PPM1N: variants seen among roughly 807,000 people sequenced by gnomAD.
PPM1N encodes protein phosphatase, Mg2+/Mn2+ dependent 1N (putative).
PPM1N carries 35 observed loss-of-function variants against 32.6 expected under a neutral mutation model. The observed-to-expected ratio is 1.07, with a 90% CI of 0.82 to 1.43. PPM1N has a LOEUF of 1.43. PPM1N is among the 40% of genes most tolerant of loss of function. PPM1N has a pLI of 0.00. For missense variants in PPM1N, 648 were observed against 606.6 expected (o/e 1.07, Z -0.72); for synonymous variants, 275 against 270.5 (o/e 1.02, Z -0.16).
rs761556304 is a variant in PPM1N, at chr19:45,499,249, A to G, written c.777A>G (p.Ala259=). The change falls in exon 1 of 5, where the codon GCA becomes GCG. Residue 259 remains alanine (A), a synonymous_variant. Coordinates refer to ENST00000451287, the MANE Select transcript of PPM1N (RefSeq NM_001080401.2). ...TTTCTGCGGAGCCAGAGGTGGCCGCACTGGCACGCCAGGCTGAGGACGAGT... is the reference window on the plus strand; with the variant it reads ...TTTCTGCGGAGCCAGAGGTGGCCGCGCTGGCACGCCAGGCTGAGGACGAGT... The part of the protein sequence containing the change: ...QLVSAEPEVA[A]LARQAEDEFM... 1.2e-5 allele frequency: 19 copies of G among 1,605,638 alleles called. No homozygotes were observed. Among genetic ancestry groups the G allele is most frequent in the Non-Finnish European group, 1.5e-5 (18 of 1,177,398 alleles).
In PPM1N at chr19:45,498,906, T is replaced by TGAGCGCCGAC. The variant is rs1968356473; in HGVS notation, c.442_451dup (p.Leu151ArgfsTer35). The TGAGCGCCGAC allele has an allele frequency of 6.6e-7, 1 of 1,526,394 alleles. No homozygotes were observed. Among genetic ancestry groups the TGAGCGCCGAC allele is most frequent in the South Asian group, 1.2e-5 (1 of 82,198 alleles). 94.6% of individuals were successfully genotyped at this position (1,526,394 alleles called of 1,614,324 possible). ...CGCGAGGCGCTGCGCCGAGCCTTCT[T>TGAGCGCCGAC]GAGCGCCGACGAGCGCCTGCGCTCC... On this transcript the variant is annotated frameshift_variant, in exon 1 of 5. Coordinates refer to ENST00000451287, the MANE Select transcript of PPM1N (RefSeq NM_001080401.2). LOFTEE classifies it high-confidence loss of function.
Position 45,498,513 on chromosome 19 carries a change from C to A in PPM1N, c.41C>A (p.Thr14Asn). ...LARQLQRLLW[T>N]ACKKKEREKE... ...CGCCAGCTGCAGCGTCTCCTCTGGACCGCTTGCAAGAAAAAGGAGAGGGAG... is the reference window on the plus strand; with the variant it reads ...CGCCAGCTGCAGCGTCTCCTCTGGAACGCTTGCAAGAAAAAGGAGAGGGAG... The change falls in exon 1 of 5, where the codon ACC becomes AAC. Residue 14 changes from threonine (T) to asparagine (N), a missense_variant. Coordinates refer to ENST00000451287, the MANE Select transcript of PPM1N (RefSeq NM_001080401.2). 7.1e-7 allele frequency: 1 copy of A among 1,408,448 alleles called. No homozygotes were observed. Among genetic ancestry groups the A allele is most frequent in the South Asian group, 1.6e-5 (1 of 62,000 alleles). The allele number at this position is 1,408,448 out of a possible 1,614,324, so 87.2% of individuals were successfully genotyped here.
rs61574042 is a variant in PPM1N at position 45,502,308 on chromosome 19, GAAAAAAAA to G, written c.*242_*249del. The G allele has an allele frequency of 1.9e-4, 5 of 26,858 alleles. No homozygotes were observed. Among genetic ancestry groups the G allele is most frequent in the Non-Finnish European group, 2.7e-4 (4 of 14,896 alleles). 1.7% of individuals were successfully genotyped at this position (26,858 alleles called of 1,614,324 possible). On this transcript the variant is annotated 3_prime_UTR_variant, in exon 5 of 5. Coordinates refer to ENST00000451287, the MANE Select transcript of PPM1N (RefSeq NM_001080401.2). ...GACCAAAAAGAAAAAAGCCCAAATC[GAAAAAAAA>G]AAAAAAAAAAAAAAAAAACAAAAAA... is the stretch of plus-strand genomic sequence containing the variant.
rs1284222149 is a variant in PPM1N at position 45,499,036 on chromosome 19, C to A, written c.564C>A (p.Ser188Arg). The A allele has an allele frequency of 1.3e-6, 2 of 1,538,538 alleles. No individual in the cohort carries two copies. The highest frequency in any genetic ancestry group is 8.7e-7 in the Non-Finnish European group (1 of 1,153,654). Residue 188 changes from serine (S) to arginine (R), a missense_variant, in exon 1 of 5, where the codon AGC becomes AGA. Physicochemically the swap from Ser to Arg is moderately radical, Grantham distance 110. Coordinates refer to ENST00000451287, the MANE Select transcript of PPM1N (RefSeq NM_001080401.2). ...AHCGDSRAVL[S>R]RAGAVAFSTE... is the part of the protein sequence containing the mutation. ...GCGGTGACTCCCGCGCGGTGCTGAG[C>A]CGCGCTGGCGCCGTGGCCTTCAGCA... is the stretch of plus-strand genomic sequence containing the variant.
At chr19:45,500,432 G>A (rs1367751541) in intron 2 of PPM1N, 24 bp from the exon 3 acceptor site, 1 of 1,581,344 alleles carries the variant, frequency 6.3e-7, no homozygotes, top group African/African-American at 1.3e-5. Flanking sequence ...ACTGTGCCCA[G>A]CCTAACTCTT....
rs1968384668 is a variant in PPM1N, at chr19:45,499,978, G to C, written c.969G>C (p.Leu323=). The stretch of plus-strand genomic sequence containing the variant: ...GCCTGGACAACATGACCTGCATCCT[G>C]GTCTGCTTCCCTGGGGCCCCTAGGC... ...KGSLDNMTCI[L]VCFPGAPRPS... is the part of the protein sequence containing the mutation. Residue 323 remains leucine (L), a synonymous_variant, in exon 2 of 5, where the codon CTG becomes CTC. Coordinates refer to ENST00000451287, the MANE Select transcript of PPM1N (RefSeq NM_001080401.2). The C allele has an allele frequency of 6.3e-7, 1 of 1,599,128 alleles. No individual in the cohort carries two copies. The highest frequency in any genetic ancestry group is 8.5e-7 in the Non-Finnish European group (1 of 1,172,508).
Position 45,498,748 on chromosome 19 carries a change from G to T in PPM1N, c.276G>T (p.Leu92=). The T allele has an allele frequency of 6.4e-7, 1 of 1,557,672 alleles. No homozygotes were observed. The change falls in exon 1 of 5, where the codon CTG becomes CTT. Residue 92 remains leucine, a synonymous_variant. Transcript: ENST00000451287. ...AHCTWLSLPG[L]PPGWALFAVL... ...GCACTTGGCTTTCGTTACCTGGTCT[G>T]CCCCCGGGCTGGGCCTTGTTTGCCG...
intron 1 of PPM1N, 183 bp downstream of exon 1, chr19:45,499,594 G>A: frequency 6.5e-7 from 1 of 1,549,674 alleles, no homozygotes; most frequent in East Asian, 2.4e-5. Context: ...GGAGCCTGAG[G>A]GATGCTTTGA....
At chr19:45,500,758 C>T in intron 4 of PPM1N, 48 bp downstream of exon 4, 5 of 1,271,836 alleles carry the variant, frequency 3.9e-6, no homozygotes, top group Non-Finnish European at 5.3e-6. Flanking sequence ...GGGACGCCCC[C>T]CCGCCCACCC....
At chr19:45,500,356 A>T in intron 2 of PPM1N, 100 bp from the exon 3 acceptor site, 1 of 1,088,430 alleles carries the variant, frequency 9.2e-7, no homozygotes, top group Non-Finnish European at 1.3e-6. Flanking sequence ...GCTGGTCTCG[A>T]ACCCCTGGCC....
chr19:45,502,323 A>AC lies in PPM1N; in HGVS notation c.*238_*239insC, dbSNP rs796565331. 2.1e-5 allele frequency: 11 copies of AC among 534,472 alleles called. No homozygotes were observed. Among genetic ancestry groups the AC allele is most frequent in the South Asian group, 4.8e-5 (2 of 42,046 alleles). The allele number at this position is 534,472 out of a possible 1,614,324, so 33.1% of individuals were successfully genotyped here. ...AGCCCAAATCGAAAAAAAAAAAAAAAAAAAAAAAAAACAAAAAAACCCAAC... is the reference window on the plus strand; with the variant it reads ...AGCCCAAATCGAAAAAAAAAAAAAAACAAAAAAAAAAACAAAAAAACCCAAC... On this transcript the variant is annotated 3_prime_UTR_variant, in exon 5 of 5. Transcript: ENST00000451287.
At chr19:45,499,470 G>C in intron 1 of PPM1N, 59 bp downstream of exon 1, 1 of 1,597,434 alleles carries the variant, frequency 6.3e-7, no homozygotes, top group Non-Finnish European at 8.5e-7. Context: ...AGAGAGCCTC[G>C]GGGTTTTGGG....
intron 4 of PPM1N, 69 bp downstream of exon 4, chr19:45,500,779 C>A (rs1238868528): frequency 3.2e-5 from 40 of 1,257,998 alleles, no homozygotes; most frequent in Non-Finnish European, 4.4e-5. Context: ...CTCTTAGTGA[C>A]AGGGAAATTG....
At chr19:45,499,846 TGGGCATAAGTA>T in intron 1 of PPM1N, 92 bp from the exon 2 acceptor site, 1 of 1,504,766 alleles carries the variant, frequency 6.6e-7, no homozygotes, top group Non-Finnish European at 8.9e-7. Context: ...GCGAAAGAAA[TGGGCATAAGTA>T]GAATGAAGTG....
rs938744469 is a variant in PPM1N, at chr19:45,500,379, C to T, written c.1058-77C>T. ...CGAACCCCTGGCCTCAAGTGATCCG[C>T]CCGCCTTGGTCTCCCAAAGTGCTGG... is the stretch of plus-strand genomic sequence containing the variant. On this transcript the variant is annotated intron_variant, in intron 2 of 4. Transcript: ENST00000451287. 5.7e-5 allele frequency: 75 copies of T among 1,323,120 alleles called. No homozygotes were observed. The African/African-American group carries it at 9.3e-4, about 16-fold the overall frequency. 82.0% of individuals were successfully genotyped at this position (1,323,120 alleles called of 1,614,324 possible).
At position 45,499,301 on chromosome 19, in the gene PPM1N, T is replaced by A. The variant is rs1968368375; in HGVS notation, c.829T>A (p.Trp277Arg). 1 of 1,613,064 alleles carries A rather than the reference T, an allele frequency of 6.2e-7. No homozygotes were observed. Among genetic ancestry groups the A allele is most frequent in the African/African-American group, 1.3e-5 (1 of 74,948 alleles). ...CATGCTCCTGGCCTCTGATGGCGTC[T>A]GGGACACTGTGTCTGGTGCTGCCCT... ...EFMLLASDGVWDTVSGAALAG... is the reference protein window; with the variant it reads ...EFMLLASDGVRDTVSGAALAG... The change falls in exon 1 of 5, where the codon TGG becomes AGG. Residue 277 changes from tryptophan (W) to arginine (R), a missense_variant. Coordinates refer to ENST00000451287, the MANE Select transcript of PPM1N (RefSeq NM_001080401.2).
chr19:45,500,462 G>A lies in PPM1N; in HGVS notation c.1064G>A (p.Cys355Tyr), dbSNP rs201720240. 4.7e-5 allele frequency: 75 copies of A among 1,606,440 alleles called. No homozygotes were observed. The highest frequency in any genetic ancestry group is 3.3e-4 in the Middle Eastern group (2 of 6,026). Reference sequence around the variant, plus strand: ...ACTCTTGACTCTTTCTCAGAACTGTGTGCCTCTGCTCAGAAGCCCCCCAGC... The same window carrying A: ...ACTCTTGACTCTTTCTCAGAACTGTATGCCTCTGCTCAGAAGCCCCCCAGC... ...AALGCRIAEL[C>Y]ASAQKPPSLN... Residue 355 changes from cysteine (C) to tyrosine (Y), a missense_variant, in exon 3 of 5, where the codon TGT becomes TAT. Coordinates refer to ENST00000451287, the MANE Select transcript of PPM1N (RefSeq NM_001080401.2).
Position 45,499,236 on chromosome 19 carries a change from CAG to C in PPM1N, c.767_768del (p.Glu256GlyfsTer9), listed in dbSNP as rs771049418. The C allele has an allele frequency of 3.8e-6, 6 of 1,598,862 alleles. No individual in the cohort carries two copies. The highest frequency in any genetic ancestry group is 5.1e-6 in the Non-Finnish European group (6 of 1,175,218). The stretch of plus-strand genomic sequence containing the variant: ...GAGCTACAGCTCGTTTCTGCGGAGC[CAG>C]AGGTGGCCGCACTGGCACGCCAGGC... On this transcript the variant is annotated frameshift_variant, in exon 1 of 5. Coordinates refer to ENST00000451287, the MANE Select transcript of PPM1N (RefSeq NM_001080401.2). LOFTEE classifies it high-confidence loss of function.
At chr19:45,501,631 A>T (rs1421861919) in intron 4 of PPM1N, among the ~76,000 whole-genome samples, 1 of 152,208 alleles carries the variant, frequency 6.6e-6, no homozygotes, top group Admixed American at 6.5e-5. Flanking sequence ...TAGTTGTCAG[A>T]TGATGTCATC....
Sources: allele counts gnomAD v4.1 joint callset (sites outside exome capture counted in the v4.1 genomes callset), GRCh38; gene constraint gnomAD v4.1.1; transcripts MANE v1.5; gene names NCBI Gene and HGNC (gene_info 2026-07-23, HGNC 2026-07-21).